NDEL1: variants seen among roughly 807,000 people sequenced by gnomAD.
NDEL1 encodes the protein nudE neurodevelopment protein 1 like 1, also known as nuclear distribution protein nudE-like 1.
In NDEL1, 9 loss-of-function variants were observed where a neutral mutation model predicts 45.7. The ratio of observed to expected loss-of-function variants is 0.20; its 90% CI spans 0.12 to 0.34. NDEL1 has a LOEUF of 0.34. NDEL1 is among the 10% of genes least tolerant of loss of function. The pLI is 1.00. For missense variants in NDEL1, 306 were observed against 406.2 expected (o/e 0.75, Z 2.12); for synonymous variants, 133 against 158.6 (o/e 0.84, Z 1.21).
chr17:8,433,618 T>C (rs895181488), upstream of NDEL1, among the ~76,000 whole-genome samples: 1 of 152,250 alleles, frequency 6.6e-6, no homozygotes, highest in Non-Finnish European at 1.5e-5. Flanking sequence ...TTCTTGGTGC[T>C]TCAAGCTAGA....
intron 1 of NDEL1, among the ~76,000 whole-genome samples, chr17:8,423,660 G>T (rs1025500888): frequency 6.6e-5 from 10 of 152,110 alleles, no homozygotes; most frequent in African/African-American, 2.4e-4. Flanking sequence ...CTCCAGTCTG[G>T]GTGACAGAGC....
chr17:8,450,678 T>C, intron 5 of NDEL1, 102 bp from the exon 6 acceptor site: 1 of 1,020,806 alleles, frequency 9.8e-7, no homozygotes, highest in South Asian at 1.8e-5. Context: ...TGAGAAATAG[T>C]AATTTAGGAA....
chr17:8,458,438 TCTCA>T (rs1910988606), intron 7 of NDEL1, among the ~76,000 whole-genome samples: 2 of 152,252 alleles, frequency 1.3e-5, no homozygotes, highest in South Asian at 4.2e-4. Context: ...TGCTTGGATG[TCTCA>T]CTGATGTCTC....
rs757090887 is a variant in NDEL1, at chr17:8,467,059, C to T, written c.*36C>T. 1.0e-5 allele frequency: 16 copies of T among 1,605,890 alleles called. 1 individual carries two copies. The South Asian group carries it at 1.6e-4, about 17-fold the overall frequency. On this transcript the variant is annotated 3_prime_UTR_variant, in exon 9 of 9. Coordinates refer to ENST00000334527, the MANE Select transcript of NDEL1 (RefSeq NM_030808.5). This position sits in a 1 kb window ranked among gnomAD's most constrained non-coding sequence, Gnocchi z 6.3. ...TCCAGGTGGGGGCTCCTGCCCTCCT[C>T]CAACAACCCAGGACACCCACGCCTC...
intron 3 of NDEL1, 95 bp from the exon 4 acceptor site, chr17:8,446,659 C>T (rs1190075790): frequency 4.2e-6 from 5 of 1,199,444 alleles, no homozygotes; most frequent in Non-Finnish European, 5.5e-6. Flanking sequence ...GGGTAAATTC[C>T]TTGGGTTCCC....
At chr17:8,472,440 C>T (rs558309100), downstream of NDEL1, among the ~76,000 whole-genome samples, 189 of 152,292 alleles carry the variant, frequency 1.2e-3, 2 homozygotes, top group African/African-American at 4.1e-3. Flanking sequence ...GGACGAATCA[C>T]GTGAGGCCGG....
intron 8 of NDEL1, chr17:8,461,237 G>T (rs1286617822): frequency 6.6e-6 from 1 of 152,114 alleles, no homozygotes; most frequent in Non-Finnish European, 1.5e-5. Flanking sequence ...GAGCAGATTC[G>T]ACACACGGTG....
chr17:8,439,564 G>A (rs1909600531), intron 1 of NDEL1, among the ~76,000 whole-genome samples: 3 of 151,946 alleles, frequency 2.0e-5, no homozygotes, highest in Non-Finnish European at 2.9e-5. Context: ...TGCTTTGTTC[G>A]CCTGCTTTGT....
At chr17:8,462,811 T>C (rs4791706) in intron 8 of NDEL1, 140,574 of 152,504 alleles carry the variant, frequency 0.92, 65,865 homozygotes, top group Non-Finnish European at 1. Context: ...TAGGTTTGTG[T>C]GTGTGTGCAT....
rs145400369 is a variant in NDEL1, at chr17:8,419,169, A to G, written c.-13+5900A>G. Among the ~76,000 whole-genome samples, 977 of 152,200 alleles carry G rather than the reference A, an allele frequency of 6.4e-3. 5 individuals are homozygous for G. Among genetic ancestry groups the G allele is most frequent in the Admixed American group, 9.6e-3 (146 of 15,286 alleles). On this transcript the variant is annotated intron_variant, in intron 1 of 4. Coordinates refer to the NDEL1 transcript ENST00000582812. ...CTGGCCTGATCCCTTATTTTCTTGT[A>G]TATGCAGTCTCAGAGCAGACTTCAG...
At chr17:8,438,370 A>G (rs1330052294) in intron 1 of NDEL1, among the ~76,000 whole-genome samples, 1 of 152,248 alleles carries the variant, frequency 6.6e-6, no homozygotes, top group Non-Finnish European at 1.5e-5. Flanking sequence ...TAGCCTGAAT[A>G]TCTCCAGTTA....
At chr17:8,450,193 G>A (rs1910386394) in intron 5 of NDEL1, among the ~76,000 whole-genome samples, 2 of 151,808 alleles carry the variant, frequency 1.3e-5, no homozygotes, top group Admixed American at 6.6e-5. Flanking sequence ...GGAGGCTGAG[G>A]CAGGAGAATC....
chr17:8,426,987 A>G (rs1482697826), intron 1 of NDEL1, among the ~76,000 whole-genome samples: 1 of 152,218 alleles, frequency 6.6e-6, no homozygotes, highest in Non-Finnish European at 1.5e-5. Context: ...CGGCCTGCAC[A>G]AGGCAAAGCA....
At chr17:8,435,531 A>G (rs1416355495), upstream of NDEL1, among the ~76,000 whole-genome samples, 2 of 152,222 alleles carry the variant, frequency 1.3e-5, no homozygotes, top group African/African-American at 2.4e-5. Context: ...CTCGGAGGTG[A>G]ACTATGAGCC....
intron 1 of NDEL1, among the ~76,000 whole-genome samples, chr17:8,420,891 C>G (rs897724679): frequency 6.6e-6 from 1 of 152,168 alleles, no homozygotes; most frequent in Non-Finnish European, 1.5e-5. Flanking sequence ...AAGTTTTGCT[C>G]TTTGCTGGTG....
downstream of NDEL1, among the ~76,000 whole-genome samples, chr17:8,471,030 C>T (rs191106274): frequency 4.1e-4 from 62 of 152,328 alleles, no homozygotes; most frequent in Non-Finnish European, 7.2e-4. Context: ...GCCCCCTCCC[C>T]GACTGTAACA....
intron 1 of NDEL1, among the ~76,000 whole-genome samples, chr17:8,438,273 C>G (rs1174843511): frequency 6.6e-6 from 1 of 152,114 alleles, no homozygotes; most frequent in African/African-American, 2.4e-5. Flanking sequence ...ACATAATTAT[C>G]TATCTTCATT....
chr17:8,448,500 G>A, intron 4 of NDEL1, 50 bp from the exon 5 acceptor site: 1 of 1,573,500 alleles, frequency 6.4e-7, no homozygotes, highest in Non-Finnish European at 8.7e-7. Context: ...TGTACTATCT[G>A]TTTGCACATG....
At position 8,420,510 on chromosome 17, in the gene NDEL1, G is replaced by C. The variant is rs114632016; in HGVS notation, c.-13+7241G>C. ...GGTTTCAAAGTTCAATTTGCATCTGGGACAGATGCCAAAGGGCAAACTACA... is the reference window on the plus strand; with the variant it reads ...GGTTTCAAAGTTCAATTTGCATCTGCGACAGATGCCAAAGGGCAAACTACA... On this transcript the variant is annotated intron_variant, in intron 1 of 4. Transcript: ENST00000582812. Among the ~76,000 whole-genome samples the C allele has an allele frequency of 9.7e-3, 1,480 of 152,240 alleles. 17 individuals are homozygous for C. The highest frequency in any genetic ancestry group is 0.033 in the African/African-American group (1,377 of 41,534).
Sources: allele counts gnomAD v4.1 joint callset (sites outside exome capture counted in the v4.1 genomes callset), GRCh38; gene constraint gnomAD v4.1.1; non-coding constraint Gnocchi (gnomAD v3.1); transcripts MANE v1.5; gene names NCBI Gene and HGNC (gene_info 2026-07-23, HGNC 2026-07-21).